Variants in KHDRBS3 observed in about 807,000 individuals in gnomAD.
The protein encoded by KHDRBS3 is KH RNA binding domain containing, signal transduction associated 3, also known as KH domain-containing, RNA-binding, signal transduction-associated protein 3.
A neutral mutation model predicts 45.6 loss-of-function variants in KHDRBS3; 23 were observed. The ratio of observed to expected loss-of-function variants is 0.50; its 90% CI spans 0.36 to 0.72. KHDRBS3 has a LOEUF of 0.72. KHDRBS3 is among the 30% of genes least tolerant of loss of function. The pLI, the probability that KHDRBS3 is intolerant of heterozygous loss-of-function variation, is 0.00. For synonymous variants in KHDRBS3, 162 were observed against 156.5 expected (o/e 1.04, Z -0.26); for missense variants, 352 against 424.8 (o/e 0.83, Z 1.51).
intron 6 of KHDRBS3, among the ~76,000 whole-genome samples, chr8:135,605,307 G>A (rs1314340995): frequency 6.6e-6 from 1 of 151,920 alleles, no homozygotes; most frequent in Non-Finnish European, 1.5e-5. Flanking sequence ...ATAGGTCTCT[G>A]ATACTCTGTT....
In KHDRBS3 at chr8:135,515,365, TAAAAAAAAAAAAAAAA is replaced by T. The variant is rs59502823; in HGVS notation, c.89-5850_89-5835del. ...TGGGCGACAGAGCGAGACTCCGTCT[TAAAAAAAAAAAAAAAA>T]AAAAAAAAAAAAAAAAAAAAAGATT... is the stretch of plus-strand genomic sequence containing the variant. On this transcript the variant is annotated intron_variant, in intron 1 of 8. Coordinates refer to ENST00000355849, the MANE Select transcript of KHDRBS3 (RefSeq NM_006558.3). Among the ~76,000 whole-genome samples, 232 of 39,750 alleles carry T rather than the reference TAAAAAAAAAAAAAAAA, an allele frequency of 5.8e-3. 12 individuals carry two copies. Among genetic ancestry groups the T allele is most frequent in the South Asian group, 0.027 (16 of 602 alleles). The allele number at this position is 39,750 out of a possible 152,430, so 26.1% of individuals were successfully genotyped here.
intron 1 of KHDRBS3, among the ~76,000 whole-genome samples, chr8:135,481,061 T>C (rs1269324239): frequency 6.6e-6 from 1 of 151,932 alleles, no homozygotes; most frequent in Non-Finnish European, 1.5e-5. Context: ...AGTCATTCTT[T>C]TGTTTAAAAA....
downstream of KHDRBS3, among the ~76,000 whole-genome samples, chr8:135,649,604 TTTG>T (rs1434318303): frequency 6.6e-6 from 1 of 152,208 alleles, no homozygotes; most frequent in Non-Finnish European, 1.5e-5. Context: ...TGTTTGGATT[TTTG>T]TTGTTGTTCG....
chr8:135,651,802 A>G (rs1349649965), downstream of KHDRBS3, among the ~76,000 whole-genome samples: 1 of 152,160 alleles, frequency 6.6e-6, no homozygotes, highest in Non-Finnish European at 1.5e-5. Context: ...AGTGAATGGT[A>G]TTGTCACTGT....
chr8:135,632,074 A>G (rs937930218), intron 7 of KHDRBS3, among the ~76,000 whole-genome samples: 5 of 152,210 alleles, frequency 3.3e-5, no homozygotes, highest in Admixed American at 1.3e-4. Flanking sequence ...ACACATGCGC[A>G]CACACTTCCT....
intron 1 of KHDRBS3, among the ~76,000 whole-genome samples, chr8:135,494,426 C>T (rs1823326136): frequency 6.6e-6 from 1 of 151,782 alleles, no homozygotes; most frequent in Non-Finnish European, 1.5e-5. Flanking sequence ...CTACAGGCGC[C>T]CGCCACCACG....
intron 1 of KHDRBS3, among the ~76,000 whole-genome samples, chr8:135,469,031 G>T (rs1204856946): frequency 1.3e-5 from 2 of 152,190 alleles, no homozygotes; most frequent in Non-Finnish European, 2.9e-5. Context: ...CATACTGCAG[G>T]CAGAGCACAT....
At chr8:135,620,870 A>G (rs766637284) in intron 7 of KHDRBS3, among the ~76,000 whole-genome samples, 45 of 152,092 alleles carry the variant, frequency 3.0e-4, no homozygotes, top group Non-Finnish European at 2.9e-5. Flanking sequence ...TTGAGAATCC[A>G]TCTCCTTTTT....
At chr8:135,569,369 G>A (rs1448418415) in intron 5 of KHDRBS3, among the ~76,000 whole-genome samples, 1 of 152,070 alleles carries the variant, frequency 6.6e-6, no homozygotes, top group South Asian at 2.1e-4. Context: ...TGTTAAATTG[G>A]CTGCTATAAA....
At chr8:135,645,031 T>A (rs1190151982) in intron 7 of KHDRBS3, 28 bp from the exon 8 acceptor site, 7 of 1,609,898 alleles carry the variant, frequency 4.3e-6, no homozygotes. Flanking sequence ...GATGATTTTG[T>A]CCTTTGTTTT....
At chr8:135,472,311 A>T (rs963143143) in intron 1 of KHDRBS3, among the ~76,000 whole-genome samples, 3 of 152,080 alleles carry the variant, frequency 2.0e-5, no homozygotes, top group African/African-American at 7.2e-5. Context: ...TCTAAACTCC[A>T]GGTTTTCACT....
At chr8:135,533,451 G>A (rs1281979847) in intron 2 of KHDRBS3, among the ~76,000 whole-genome samples, 1 of 152,138 alleles carries the variant, frequency 6.6e-6, no homozygotes, top group Non-Finnish European at 1.5e-5. Context: ...ATTAACCAGT[G>A]ATAGAACAGG....
intron 6 of KHDRBS3, among the ~76,000 whole-genome samples, chr8:135,603,942 ATG>A (rs1286097697): frequency 2.6e-5 from 1 of 38,556 alleles, no homozygotes; most frequent in Non-Finnish European, 5.3e-5. Context: ...TGTTGTTCAA[ATG>A]TTTTTTTTTT....
chr8:135,489,137 G>T (rs963796253), intron 1 of KHDRBS3, among the ~76,000 whole-genome samples: 2 of 152,128 alleles, frequency 1.3e-5, no homozygotes, highest in Non-Finnish European at 2.9e-5. Context: ...TATATTTAGA[G>T]AATTTCTTTT....
At chr8:135,620,339 C>T (rs944378757) in intron 7 of KHDRBS3, among the ~76,000 whole-genome samples, 1 of 151,946 alleles carries the variant, frequency 6.6e-6, no homozygotes, top group African/African-American at 2.4e-5. Flanking sequence ...GAGTTCAAAG[C>T]GATCTGTCCG....
chr8:135,508,661 A>C (rs890587821), intron 1 of KHDRBS3, among the ~76,000 whole-genome samples: 1 of 152,106 alleles, frequency 6.6e-6, no homozygotes, highest in African/African-American at 2.4e-5. Flanking sequence ...CTCCTTCCCA[A>C]AGTTAGTGAC....
At chr8:135,558,028 G>A (rs1227404509) in intron 5 of KHDRBS3, among the ~76,000 whole-genome samples, 1 of 152,078 alleles carries the variant, frequency 6.6e-6, no homozygotes, top group Non-Finnish European at 1.5e-5. Flanking sequence ...TGTTTTTTAT[G>A]TAAGTAATCG....
chr8:135,612,346 A>T (rs1051947580), intron 7 of KHDRBS3, among the ~76,000 whole-genome samples: 2 of 151,892 alleles, frequency 1.3e-5, no homozygotes, highest in Non-Finnish European at 1.5e-5. Flanking sequence ...TCAAATTTAG[A>T]CTACCTTAAG....
chr8:135,544,807 G>A (rs887284355), intron 3 of KHDRBS3, among the ~76,000 whole-genome samples: 1 of 152,116 alleles, frequency 6.6e-6, no homozygotes, highest in African/African-American at 2.4e-5. Flanking sequence ...GCAAGTGGCT[G>A]ATTGTGTATA....
Sources: allele counts gnomAD v4.1 joint callset (sites outside exome capture counted in the v4.1 genomes callset), GRCh38; gene constraint gnomAD v4.1.1; transcripts MANE v1.5; gene names NCBI Gene and HGNC (gene_info 2026-07-23, HGNC 2026-07-21).